USH2A: variants seen among roughly 807,000 people sequenced by gnomAD.
USH2A encodes Usher syndrome 2A (autosomal recessive, mild).
USH2A carries 443 observed loss-of-function variants against 538.9 expected under a neutral mutation model. The ratio of observed to expected loss-of-function variants is 0.82; its 90% CI spans 0.76 to 0.89. The LOEUF (loss-of-function observed/expected upper bound fraction) is 0.89. USH2A is among the 40% of genes least tolerant of loss of function. USH2A has a pLI of 0.00. For missense variants in USH2A, 6,633 were observed against 6,324.8 expected (o/e 1.05, Z -1.65); for synonymous variants, 2,413 against 2,273.5 (o/e 1.06, Z -1.75).
intron 37 of USH2A, among the ~76,000 whole-genome samples, chr1:215,950,886 T>C (rs993263972): frequency 7.2e-5 from 11 of 152,200 alleles, no homozygotes; most frequent in Non-Finnish European, 1.2e-4. Context: ...TAAATGTAAC[T>C]AATATTCAAC....
In USH2A at chr1:215,671,048, G is replaced by A; in HGVS notation, c.14057C>T (p.Pro4686Leu). The A allele has an allele frequency of 1.2e-6, 2 of 1,614,142 alleles. No homozygotes were observed. The highest frequency in any genetic ancestry group is 1.7e-6 in the Non-Finnish European group (2 of 1,180,010). ...TGAGCTTCCGTTATAGATTAGGACTGGATTGGATTTTCTAGGCTGAGTTGC... is the reference window on the plus strand; with the variant it reads ...TGAGCTTCCGTTATAGATTAGGACTAGATTGGATTTTCTAGGCTGAGTTGC... ...QIATQPRKSNPVLIYNGSSTS... is the reference protein window; with the variant it reads ...QIATQPRKSNLVLIYNGSSTS... The change falls in exon 64 of 72, where the codon CCA becomes CTA. Residue 4686 changes from proline to leucine, a missense_variant. Physicochemically the swap from Pro to Leu is moderately conservative, Grantham distance 98. Coordinates refer to ENST00000307340, the MANE Select transcript of USH2A (RefSeq NM_206933.4).
At position 215,693,068 on chromosome 1, in the gene USH2A, T is replaced by TTG. The variant is rs200699445; in HGVS notation, c.12067-12694_12067-12693dup. Among the ~76,000 whole-genome samples the TTG allele has an allele frequency of 2.4e-4, 31 of 129,648 alleles. No individual in the cohort carries two copies. The East Asian group carries it at 6.4e-3, about 27-fold the overall frequency. The allele number at this position is 129,648 out of a possible 152,430, so 85.1% of individuals were successfully genotyped here. A position where few individuals can be genotyped will look rare whatever the true frequency, so the allele number is the denominator to read the frequency against. On this transcript the variant is annotated intron_variant, in intron 61 of 71. Coordinates refer to ENST00000307340, the MANE Select transcript of USH2A (RefSeq NM_206933.4). ...GTGTGCCACCATGCCCAGCTAATTTTTGTGTGTGTATATATATATATATAT... is the reference window on the plus strand; with the variant it reads ...GTGTGCCACCATGCCCAGCTAATTTTTGTGTGTGTGTATATATATATATATAT...
chr1:215,773,524 C>T lies in USH2A; in HGVS notation c.10939+6319G>A, dbSNP rs562577123. Among the ~76,000 whole-genome samples the T allele has an allele frequency of 6.4e-3, 949 of 148,930 alleles. 8 individuals carry two copies. The highest frequency in any genetic ancestry group is 0.023 in the African/African-American group (890 of 39,290). ...TCTCTCTCTCTCTGTCTCTCTCTCT[C>T]TCTCTCTCTGTCTTTCTCTCTCTCT... is the stretch of plus-strand genomic sequence containing the variant. On this transcript the variant is annotated intron_variant, in intron 55 of 71. Coordinates refer to ENST00000307340, the MANE Select transcript of USH2A (RefSeq NM_206933.4).
intron 49 of USH2A, among the ~76,000 whole-genome samples, chr1:215,805,710 A>G (rs1300678328): frequency 6.6e-6 from 1 of 152,128 alleles, no homozygotes; most frequent in Non-Finnish European, 1.5e-5. Context: ...TGAAGAAGGT[A>G]TCATAACTTC....
intron 48 of USH2A, among the ~76,000 whole-genome samples, chr1:215,816,743 A>C (rs189498585): frequency 9.9e-5 from 15 of 152,226 alleles, no homozygotes; most frequent in African/African-American, 3.1e-4. Context: ...TAAGTCACTC[A>C]ATCAAATAAA....
At position 216,246,996 on chromosome 1, in the gene USH2A, C is replaced by CTG. The variant is rs1558341928; in HGVS notation, c.2396_2397dup (p.Ala800GlnfsTer57). The CTG allele has an allele frequency of 6.2e-7, 1 of 1,614,080 alleles. No homozygotes were observed. On this transcript the variant is annotated frameshift_variant, in exon 13 of 72. Coordinates refer to ENST00000307340, the MANE Select transcript of USH2A (RefSeq NM_206933.4). LOFTEE classifies it high-confidence loss of function. ...CAGACAGTCCCAGGGAGGGATCCAG[C>CTG]TGTGTCACAGTCACAGGCCTTACAA... is the stretch of plus-strand genomic sequence containing the variant.
At chr1:215,852,947 G>A (rs1664058128) in intron 44 of USH2A, among the ~76,000 whole-genome samples, 1 of 152,314 alleles carries the variant, frequency 6.6e-6, no homozygotes, top group South Asian at 2.1e-4. Context: ...CAGGTGCACA[G>A]TGCAAGCTGT....
chr1:216,001,368 G>C (rs1186179474), intron 32 of USH2A, among the ~76,000 whole-genome samples: 1 of 152,072 alleles, frequency 6.6e-6, no homozygotes, highest in Non-Finnish European at 1.5e-5. Context: ...GACTAGGGTA[G>C]TGCCCTAGGC....
chr1:216,163,921 T>C (rs2102630882), intron 21 of USH2A, among the ~76,000 whole-genome samples: 1 of 152,248 alleles, frequency 6.6e-6, no homozygotes, highest in South Asian at 2.1e-4. Context: ...TAGAAGCCTT[T>C]GTTACTCACT....
chr1:216,418,938 TG>T (rs2039627384), intron 2 of USH2A, among the ~76,000 whole-genome samples: 1 of 152,146 alleles, frequency 6.6e-6, no homozygotes, highest in Admixed American at 6.6e-5. Flanking sequence ...AGATTCATGA[TG>T]GAAACTAAAG....
At chr1:215,900,713 T>C (rs889978383) in intron 39 of USH2A, 42 bp downstream of exon 39, 5 of 1,612,882 alleles carry the variant, frequency 3.1e-6, no homozygotes, top group Non-Finnish European at 3.4e-6. Flanking sequence ...ATGTCTATAT[T>C]GTATAACCCA....
chr1:216,411,880 G>A (rs2039496227), intron 3 of USH2A, among the ~76,000 whole-genome samples: 1 of 152,112 alleles, frequency 6.6e-6, no homozygotes, highest in African/African-American at 2.4e-5. Flanking sequence ...TTTTAGTACA[G>A]GCCTAGAAAA....
chr1:216,383,686 T>C (rs1221942682), intron 3 of USH2A, among the ~76,000 whole-genome samples: 1 of 152,122 alleles, frequency 6.6e-6, no homozygotes, highest in African/African-American at 2.4e-5. Flanking sequence ...TTTGTTTGTT[T>C]GTTTGTTTTG....
chr1:215,884,319 T>G (rs1032822003), intron 41 of USH2A, among the ~76,000 whole-genome samples: 10 of 152,260 alleles, frequency 6.6e-5, no homozygotes, highest in African/African-American at 2.4e-4. Flanking sequence ...GTTCAGTTTA[T>G]ATGTTGACTT....
At chr1:215,964,368 C>G (rs564345121) in intron 37 of USH2A, among the ~76,000 whole-genome samples, 1 of 152,194 alleles carries the variant, frequency 6.6e-6, no homozygotes, top group East Asian at 1.9e-4. Context: ...GCACTTGACT[C>G]GCATTTGCTT....
intron 36 of USH2A, 94 bp downstream of exon 36, chr1:215,970,531 T>G: frequency 6.7e-7 from 1 of 1,502,736 alleles, no homozygotes; most frequent in Non-Finnish European, 9.2e-7. Flanking sequence ...AGGCTAGCTG[T>G]GCAGAGGGTG....
chr1:215,994,410 C>T (rs1308557450), intron 34 of USH2A, among the ~76,000 whole-genome samples: 1 of 151,892 alleles, frequency 6.6e-6, no homozygotes, highest in East Asian at 1.9e-4. Context: ...TATGGGAGTA[C>T]ACTACTATTT....
intron 58 of USH2A, among the ~76,000 whole-genome samples, chr1:215,755,855 T>C (rs1203880446): frequency 6.6e-6 from 1 of 152,074 alleles, no homozygotes; most frequent in East Asian, 1.9e-4. Context: ...CATTTCTAAA[T>C]GGAAACATGA....
chr1:215,829,892 C>T (rs577621465), intron 47 of USH2A, among the ~76,000 whole-genome samples: 2 of 152,228 alleles, frequency 1.3e-5, no homozygotes, highest in South Asian at 2.1e-4. Flanking sequence ...TTGCCAAAGG[C>T]ATTGGAAGAA....
Sources: allele counts gnomAD v4.1 joint callset (sites outside exome capture counted in the v4.1 genomes callset), GRCh38; gene constraint gnomAD v4.1.1; transcripts MANE v1.5; gene names NCBI Gene and HGNC (gene_info 2026-07-23, HGNC 2026-07-21).